Variants in TPST2 observed in about 807,000 individuals in gnomAD.
The protein encoded by TPST2 is protein-tyrosine sulfotransferase 2.
TPST2 carries 16 observed loss-of-function variants against 27.8 expected under a neutral mutation model. That is an observed-to-expected ratio of 0.58 (90% confidence interval 0.39 to 0.88). The LOEUF (loss-of-function observed/expected upper bound fraction) is 0.88. TPST2 is among the 40% of genes least tolerant of loss of function. TPST2 has a pLI of 0.00. For synonymous variants in TPST2, 229 were observed against 231.7 expected, an observed-to-expected ratio of 0.99 and a Z score of 0.10; for missense variants, 464 against 543.1, an observed-to-expected ratio of 0.85 and a Z score of 1.45.
intron 1 of TPST2, among the ~76,000 whole-genome samples, chr22:26,585,335 C>T (rs937753824): frequency 1.3e-5 from 1 of 79,718 alleles, no homozygotes; most frequent in African/African-American, 5.3e-5. Context: ...CAGACGTTCC[C>T]TAGGGCCTGT....
At chr22:26,561,222 A>C in intron 1 of TPST2, 1 of 1,518,872 alleles carries the variant, frequency 6.6e-7, no homozygotes, top group Non-Finnish European at 8.8e-7. Context: ...CCTGTACACA[A>C]CTCACTCCTT....
chr22:26,528,100 TG>T, intron 6 of TPST2, 113 bp downstream of exon 6: 1 of 1,253,376 alleles, frequency 8.0e-7, no homozygotes. Context: ...CCCACCCTAG[TG>T]GACATGTCTA....
intron 1 of TPST2, among the ~76,000 whole-genome samples, chr22:26,574,920 T>C (rs1288803106): frequency 6.6e-6 from 1 of 152,166 alleles, no homozygotes; most frequent in African/African-American, 2.4e-5. Context: ...TGCCACTGGC[T>C]TTCTGGACCA....
intron 5 of TPST2, among the ~76,000 whole-genome samples, chr22:26,529,381 C>T: frequency 6.6e-6 from 1 of 152,190 alleles, no homozygotes; most frequent in Non-Finnish European, 1.5e-5. Context: ...CTGCCTGCCT[C>T]AGCCTCCCAA....
At chr22:26,574,118 T>A (rs1197594206) in intron 1 of TPST2, among the ~76,000 whole-genome samples, 1 of 152,158 alleles carries the variant, frequency 6.6e-6, no homozygotes, top group African/African-American at 2.4e-5. Context: ...ATGGAAAGTA[T>A]TTCCATCTGC....
intron 5 of TPST2, among the ~76,000 whole-genome samples, chr22:26,531,473 T>C (rs1396697043): frequency 1.3e-5 from 2 of 152,192 alleles, no homozygotes; most frequent in Non-Finnish European, 2.9e-5. Flanking sequence ...TTGCAACGAA[T>C]GCAAAAGTGC....
At chr22:26,585,820 G>A (rs1928319921) in intron 1 of TPST2, among the ~76,000 whole-genome samples, 1 of 152,152 alleles carries the variant, frequency 6.6e-6, no homozygotes, top group African/African-American at 2.4e-5. Flanking sequence ...AGAGGCCGAG[G>A]CGGGCGGATC....
At chr22:26,588,172 T>C (rs1169082557) in intron 1 of TPST2, among the ~76,000 whole-genome samples, 1 of 147,068 alleles carries the variant, frequency 6.8e-6, no homozygotes, top group Non-Finnish European at 1.5e-5. Flanking sequence ...TAGAATATTA[T>C]GCAGCCATAA....
chr22:26,585,157 G>GC (rs1252553585), intron 1 of TPST2, among the ~76,000 whole-genome samples: 3 of 152,176 alleles, frequency 2.0e-5, no homozygotes, highest in South Asian at 4.1e-4. Flanking sequence ...ACAGGCCAGT[G>GC]CCCCCTAGCT....
At chr22:26,577,095 CAAAAAAA>C (rs34865016) in intron 1 of TPST2, among the ~76,000 whole-genome samples, 5 of 75,514 alleles carry the variant, frequency 6.6e-5, no homozygotes, top group Non-Finnish European at 9.9e-5. Context: ...GACTCTGTTG[CAAAAAAA>C]AAAAAAAAAA....
At chr22:26,587,377 CTT>C (rs1928384533) in intron 1 of TPST2, among the ~76,000 whole-genome samples, 1 of 152,174 alleles carries the variant, frequency 6.6e-6, no homozygotes. Flanking sequence ...TGCTCTGTCA[CTT>C]AGACCGGAGT....
In TPST2 at chr22:26,524,841, C is replaced by T. The variant is rs1384021037; in HGVS notation, c.*1434G>A. 4 of 152,218 alleles carry T rather than the reference C, an allele frequency of 2.6e-5. No individual in the cohort carries two copies. Among genetic ancestry groups the T allele is most frequent in the African/African-American group, 9.7e-5 (4 of 41,440 alleles). The allele number at this position is 152,218 out of a possible 1,614,324, so 9.4% of individuals were successfully genotyped here. A position where few individuals can be genotyped will look rare whatever the true frequency, so the allele number is the denominator to read the frequency against. On this transcript the variant is annotated 3_prime_UTR_variant, in exon 7 of 7. Coordinates refer to ENST00000338754, the MANE Select transcript of TPST2 (RefSeq NM_003595.5). ...CAAAGAAAAAACTGGCCTTAATGGG[C>T]TCCTGGGAGATAACCTCTAAGTCCT...
chr22:26,531,705 GACTT>G (rs1925169943), intron 5 of TPST2, among the ~76,000 whole-genome samples: 1 of 152,138 alleles, frequency 6.6e-6, no homozygotes, highest in African/African-American at 2.4e-5. Flanking sequence ...CCAGCTCCCA[GACTT>G]ACTTAGCATC....
intron 1 of TPST2, 25 bp from the exon 2 acceptor site, chr22:26,544,700 A>G (rs772983624): frequency 1.5e-5 from 15 of 985,442 alleles, no homozygotes; most frequent in Non-Finnish European, 1.8e-5. Flanking sequence ...GAGATATTGC[A>G]TCAGGGATGG....
chr22:26,579,118 A>G (rs1485786085), intron 1 of TPST2, among the ~76,000 whole-genome samples: 1 of 152,134 alleles, frequency 6.6e-6, no homozygotes, highest in East Asian at 1.9e-4. Flanking sequence ...GGCCTCCCAG[A>G]GTGCTGGGAT....
In TPST2 at chr22:26,555,249, T is replaced by G. The variant is rs12161068; in HGVS notation, c.-160-10574A>C. On this transcript the variant is annotated intron_variant, in intron 1 of 6. Coordinates refer to ENST00000338754, the MANE Select transcript of TPST2 (RefSeq NM_003595.5). ...TTCTAGTAGGCTGGTGCAAAAGTAA[T>G]GCAGTTTTTGCCACTGAAAGTAATA... The G allele has an allele frequency of 2.1e-5, 11 of 531,662 alleles. No homozygotes were observed. The African/African-American group carries it at 2.1e-4, about 10-fold the overall frequency. The allele number at this position is 531,662 out of a possible 1,614,324, so 32.9% of individuals were successfully genotyped here.
chr22:26,557,616 G>A (rs1293573015), intron 1 of TPST2, among the ~76,000 whole-genome samples: 3 of 151,868 alleles, frequency 2.0e-5, no homozygotes, highest in Non-Finnish European at 4.4e-5. Flanking sequence ...TTATCCTGGG[G>A]ACGGTGGGAA....
At chr22:26,564,422 C>T (rs768031424) in intron 1 of TPST2, among the ~76,000 whole-genome samples, 5 of 152,206 alleles carry the variant, frequency 3.3e-5, no homozygotes, top group Admixed American at 3.3e-4. Flanking sequence ...GACGGAGGAC[C>T]AGGCTGGGGA....
intron 1 of TPST2, among the ~76,000 whole-genome samples, chr22:26,552,493 C>A (rs1475528716): frequency 6.6e-6 from 1 of 152,074 alleles, no homozygotes; most frequent in African/African-American, 2.4e-5. Flanking sequence ...CTATCTGATG[C>A]CAGAACCCAA....
Sources: gnomAD v4.1 joint callset for allele counts (sites outside exome capture counted in the v4.1 genomes callset) on GRCh38, gnomAD v4.1.1 for gene constraint, MANE v1.5 for transcripts, NCBI Gene and HGNC (gene_info 2026-07-23, HGNC 2026-07-21) for gene names.